The following ETS1 variants were observed in gnomAD, a reference collection of about 807,000 sequenced individuals.
ETS1 encodes the protein protein C-ets-1.
In ETS1, 15 loss-of-function variants were observed where a neutral mutation model predicts 58.6. The observed-to-expected ratio is 0.26, with a 90% CI of 0.17 to 0.39. The LOEUF (loss-of-function observed/expected upper bound fraction) is 0.39. ETS1 is among the 10% of genes least tolerant of loss of function. The pLI is 1.00. For synonymous variants in ETS1, 214 were observed against 218.2 expected (o/e 0.98, Z 0.17); for missense variants, 417 against 610.5 (o/e 0.68, Z 3.34).
intron 3 of ETS1, among the ~76,000 whole-genome samples, chr11:128,545,384 G>A (rs1469219377): frequency 1.3e-5 from 2 of 152,158 alleles, no homozygotes; most frequent in African/African-American, 4.8e-5. Context: ...TGTGTATGGT[G>A]GTTAAGAACA....
intron 1 of ETS1, 109 bp downstream of exon 1, chr11:128,587,379 C>T (rs1591686774): frequency 6.6e-6 from 1 of 152,400 alleles, no homozygotes; most frequent in Non-Finnish European, 1.5e-5. Flanking sequence ...AGAAAACTCA[C>T]TTGTATCCTG....
At chr11:128,522,179 G>C in intron 3 of ETS1, 1 of 1,270,132 alleles carries the variant, frequency 7.9e-7, no homozygotes. Flanking sequence ...GCACTCCAGG[G>C]GAAGTTGGCA....
intron 2 of ETS1, among the ~76,000 whole-genome samples, chr11:128,566,593 C>T (rs925942169): frequency 1.3e-5 from 2 of 152,164 alleles, no homozygotes; most frequent in Admixed American, 1.3e-4. Flanking sequence ...ACCATCCTGG[C>T]TAACACAGTG....
At chr11:128,485,829 G>T (rs913624675) in intron 6 of ETS1, among the ~76,000 whole-genome samples, 1 of 152,072 alleles carries the variant, frequency 6.6e-6, no homozygotes, top group African/African-American at 2.4e-5. Flanking sequence ...TGACTTTCAG[G>T]TGAAGACATC....
chr11:128,558,649 CAAAAAAAAAAAAAAAAAAAAA>C (rs201114905), intron 2 of ETS1, among the ~76,000 whole-genome samples: 8 of 103,436 alleles, frequency 7.7e-5, no homozygotes, highest in Admixed American at 3.2e-4. Flanking sequence ...ATATCCATCC[CAAAAAAAAAAAAAAAAAAAAA>C]AAAAAAAAAA....
chr11:128,570,457 G>C (rs1864604157), intron 2 of ETS1, among the ~76,000 whole-genome samples: 1 of 151,884 alleles, frequency 6.6e-6, no homozygotes, highest in East Asian at 1.9e-4. Flanking sequence ...GGCCAGGCTG[G>C]TCTCAAACTC....
chr11:128,552,179 C>A (rs755692803), intron 3 of ETS1, among the ~76,000 whole-genome samples: 1 of 152,082 alleles, frequency 6.6e-6, no homozygotes, highest in Non-Finnish European at 1.5e-5. Context: ...ATTAAGTTGT[C>A]TAAGGTCACA....
intron 8 of ETS1, among the ~76,000 whole-genome samples, chr11:128,471,060 C>A (rs1862174992): frequency 6.6e-6 from 1 of 152,196 alleles, no homozygotes; most frequent in African/African-American, 2.4e-5. Context: ...ATGTCCCTCA[C>A]CAAGTATTCT....
At chr11:128,469,470 A>G (rs559685066) in intron 8 of ETS1, among the ~76,000 whole-genome samples, 1 of 152,330 alleles carries the variant, frequency 6.6e-6, no homozygotes, top group East Asian at 1.9e-4. Context: ...TCTGCCTTTC[A>G]TGCTACCACA....
intron 3 of ETS1, among the ~76,000 whole-genome samples, chr11:128,532,411 C>T (rs1231961001): frequency 6.6e-6 from 1 of 152,238 alleles, no homozygotes; most frequent in African/African-American, 2.4e-5. Context: ...TGCCTGGCAC[C>T]CAGCCATTAA....
chr11:128,581,384 C>G (rs1461605263), intron 1 of ETS1, among the ~76,000 whole-genome samples: 1 of 152,074 alleles, frequency 6.6e-6, no homozygotes, highest in Non-Finnish European at 1.5e-5. Flanking sequence ...ACTGCCTTAC[C>G]ATAAAAGTGG....
intron 2 of ETS1, among the ~76,000 whole-genome samples, chr11:128,558,098 A>G (rs1864342640): frequency 6.6e-6 from 1 of 152,222 alleles, no homozygotes; most frequent in South Asian, 2.1e-4. Context: ...AATCATTCAA[A>G]TTAGAGCTGG....
At chr11:128,566,857 G>A (rs1055751308) in intron 2 of ETS1, among the ~76,000 whole-genome samples, 4 of 152,078 alleles carry the variant, frequency 2.6e-5, no homozygotes, top group African/African-American at 9.7e-5. Context: ...AAACCCAAGT[G>A]CTTTCCACTA....
chr11:128,465,002 C>T (rs1185063252), intron 8 of ETS1, among the ~76,000 whole-genome samples: 1 of 152,080 alleles, frequency 6.6e-6, no homozygotes, highest in African/African-American at 2.4e-5. Flanking sequence ...CCACGGTTAG[C>T]GAAATGGTGG....
At chr11:128,533,211 A>G (rs975906090) in intron 3 of ETS1, among the ~76,000 whole-genome samples, 3 of 152,250 alleles carry the variant, frequency 2.0e-5, no homozygotes, top group Non-Finnish European at 4.4e-5. Flanking sequence ...TTGGAAAGGC[A>G]AAAGTTTTCA....
Position 128,463,691 on chromosome 11 carries a change from C to T in ETS1, c.1124-64G>A, listed in dbSNP as rs1161895088. The T allele has an allele frequency of 2.3e-6, 2 of 862,006 alleles. No homozygotes were observed. Among genetic ancestry groups the T allele is most frequent in the Non-Finnish European group, 4.0e-6 (2 of 503,024 alleles). The allele number at this position is 862,006 out of a possible 1,614,324, so 53.4% of individuals were successfully genotyped here. A position where few individuals can be genotyped will look rare whatever the true frequency, so the allele number is the denominator to read the frequency against. On this transcript the variant is annotated intron_variant, in intron 8 of 9. Coordinates refer to ENST00000392668, the MANE Select transcript of ETS1 (RefSeq NM_001143820.2). The surrounding 1 kb of genome is among the most constrained non-coding windows in gnomAD (Gnocchi z 4.1). ...TTCAGCACTCTACGCAGCTAATCCC[C>T]ACACACGGCACTCCCACATCCCTCT... is the stretch of plus-strand genomic sequence containing the variant.
At chr11:128,517,805 G>A (rs1253867616) in intron 3 of ETS1, among the ~76,000 whole-genome samples, 2 of 152,144 alleles carry the variant, frequency 1.3e-5, no homozygotes, top group Non-Finnish European at 2.9e-5. Flanking sequence ...CCACGAGCTG[G>A]TTTGTCTCCT....
intron 3 of ETS1, among the ~76,000 whole-genome samples, chr11:128,553,334 T>C (rs1864262217): frequency 6.6e-6 from 1 of 152,226 alleles, no homozygotes; most frequent in Admixed American, 6.5e-5. Context: ...TGGCTTCCCT[T>C]TTTAGCTGTA....
At chr11:128,504,028 G>A (rs1335660771) in intron 3 of ETS1, among the ~76,000 whole-genome samples, 1 of 152,176 alleles carries the variant, frequency 6.6e-6, no homozygotes. Context: ...TGTCCCTAAT[G>A]AGGAGTCAGA....
Sources: allele counts gnomAD v4.1 joint callset (sites outside exome capture counted in the v4.1 genomes callset), GRCh38; gene constraint gnomAD v4.1.1; non-coding constraint Gnocchi (gnomAD v3.1); transcripts MANE v1.5; gene names NCBI Gene and HGNC (gene_info 2026-07-23, HGNC 2026-07-21).